Variants in EML1 observed in about 807,000 individuals in gnomAD.
EML1 encodes the protein EMAP like 1.
In EML1, 27 loss-of-function variants were observed where a neutral mutation model predicts 110.4. The observed-to-expected ratio is 0.24, with a 90% CI of 0.18 to 0.34. The LOEUF (loss-of-function observed/expected upper bound fraction) is 0.34, where lower values mean the gene tolerates loss of function less well. EML1 is among the 10% of genes least tolerant of loss of function. The pLI is 1.00. For synonymous variants in EML1, 344 were observed against 385.8 expected, an observed-to-expected ratio of 0.89 and a Z score of 1.27; for missense variants, 741 against 1,030.9, an observed-to-expected ratio of 0.72 and a Z score of 3.85.
intron 15 of EML1, among the ~76,000 whole-genome samples, chr14:99,917,560 A>C (rs890298666): frequency 6.6e-6 from 1 of 152,164 alleles, no homozygotes; most frequent in African/African-American, 2.4e-5. Flanking sequence ...ATCCTGCCTC[A>C]AAAAAGGGTG....
At chr14:99,804,163 T>C (rs183269143) in intron 1 of EML1, among the ~76,000 whole-genome samples, 4 of 152,342 alleles carry the variant, frequency 2.6e-5, no homozygotes, top group Admixed American at 2.6e-4. Flanking sequence ...GGCCTTTTAT[T>C]GAGTTGATAT....
intron 1 of EML1, among the ~76,000 whole-genome samples, chr14:99,838,249 A>T (rs895548653): frequency 1.2e-3 from 176 of 152,240 alleles, no homozygotes; most frequent in Non-Finnish European, 2.1e-4. Flanking sequence ...AATAGAAAAA[A>T]ATTGTACTAA....
At chr14:99,785,530 C>T (rs924834860) in intron 1 of EML1, among the ~76,000 whole-genome samples, 3 of 152,012 alleles carry the variant, frequency 2.0e-5, no homozygotes, top group Non-Finnish European at 2.9e-5. Flanking sequence ...AGATGGGAGT[C>T]GCAGAAAACT....
chr14:99,877,364 G>A (rs1159023968), intron 3 of EML1, among the ~76,000 whole-genome samples: 1 of 152,110 alleles, frequency 6.6e-6, no homozygotes, highest in African/African-American at 2.4e-5. Context: ...AGTCCATAGT[G>A]TGCTCTAAGA....
chr14:99,859,501 G>A (rs1249887702), intron 2 of EML1, among the ~76,000 whole-genome samples: 4 of 152,170 alleles, frequency 2.6e-5, no homozygotes, highest in Non-Finnish European at 5.9e-5. Flanking sequence ...GATACCTTAA[G>A]GAACATTTTT....
At chr14:99,740,378 G>A (rs970786195) in intron 1 of EML1, among the ~76,000 whole-genome samples, 9 of 152,224 alleles carry the variant, frequency 5.9e-5, no homozygotes, top group Non-Finnish European at 1.2e-4. Flanking sequence ...TGGCTATTTT[G>A]TGGGGCTTTT....
chr14:99,873,112 C>T (rs769310545), intron 3 of EML1, among the ~76,000 whole-genome samples: 6 of 152,092 alleles, frequency 3.9e-5, no homozygotes, highest in South Asian at 4.1e-4. Context: ...AGTGGGGATG[C>T]GGAGGCTGAC....
intron 17 of EML1, among the ~76,000 whole-genome samples, chr14:99,934,571 T>C (rs1051183368): frequency 3.9e-5 from 6 of 152,260 alleles, no homozygotes; most frequent in Non-Finnish European, 8.8e-5. Flanking sequence ...CGCAAGGCCC[T>C]GTACAAATAT....
At position 99,939,952 on chromosome 14, in the gene EML1, G is replaced by A; in HGVS notation, c.2323-35G>A. The A allele has an allele frequency of 6.6e-7, 1 of 1,506,918 alleles. No homozygotes were observed. The highest frequency in any genetic ancestry group is 1.3e-5 in the South Asian group (1 of 74,700). 93.3% of individuals were successfully genotyped at this position (1,506,918 alleles called of 1,614,324 possible). The stretch of plus-strand genomic sequence containing the variant: ...CCCATCCCAGATGGTTCGCCTTGTA[G>A]TAAAGGAAGCTTTCCCCCGTATCAT... On this transcript the variant is annotated intron_variant, in intron 21 of 21. Coordinates refer to ENST00000262233, the MANE Select transcript of EML1 (RefSeq NM_004434.3). This position sits in a 1 kb window ranked among gnomAD's most constrained non-coding sequence, Gnocchi z 4.2.
At chr14:99,817,813 T>C (rs1038408417) in intron 1 of EML1, among the ~76,000 whole-genome samples, 8 of 152,120 alleles carry the variant, frequency 5.3e-5, no homozygotes, top group African/African-American at 1.9e-4. Flanking sequence ...AAACAGATGC[T>C]TGCAAAACCT....
intron 2 of EML1, among the ~76,000 whole-genome samples, chr14:99,852,025 T>G (rs2058817525): frequency 6.6e-6 from 1 of 152,240 alleles, no homozygotes; most frequent in Non-Finnish European, 1.5e-5. Flanking sequence ...CATGTCCCTG[T>G]GGCTCTTGGG....
At chr14:99,835,859 G>C (rs1292588213) in intron 1 of EML1, among the ~76,000 whole-genome samples, 1 of 151,992 alleles carries the variant, frequency 6.6e-6, no homozygotes, top group Admixed American at 6.6e-5. Flanking sequence ...TATTTGTGTG[G>C]GTCTATTTCT....
chr14:99,910,517 A>C, intron 12 of EML1, among the ~76,000 whole-genome samples, 176 bp downstream of exon 12: 1 of 152,232 alleles, frequency 6.6e-6, no homozygotes, highest in East Asian at 1.9e-4. Flanking sequence ...AAACTAGAAC[A>C]GAGGAAAAGC....
At chr14:99,830,753 G>A (rs975674925) in intron 1 of EML1, among the ~76,000 whole-genome samples, 6 of 152,174 alleles carry the variant, frequency 3.9e-5, no homozygotes, top group East Asian at 1.9e-4. Context: ...GTTTCACCAC[G>A]TTGGCCAGGC....
At chr14:99,884,798 G>GA (rs2059446513) in intron 4 of EML1, among the ~76,000 whole-genome samples, 1 of 152,218 alleles carries the variant, frequency 6.6e-6, no homozygotes, top group Admixed American at 6.5e-5. Flanking sequence ...CACCTAGGAG[G>GA]AGGAGGGGTT....
intron 1 of EML1, among the ~76,000 whole-genome samples, chr14:99,834,833 G>C (rs142461879): frequency 8.0e-4 from 122 of 151,942 alleles, no homozygotes; most frequent in African/African-American, 2.9e-3. Context: ...TTTTTGTTTT[G>C]TTTTGAGAAA....
At chr14:99,925,079 C>T (rs1055997400) in intron 17 of EML1, among the ~76,000 whole-genome samples, 42 of 152,004 alleles carry the variant, frequency 2.8e-4, no homozygotes, top group Admixed American at 2.4e-3. Flanking sequence ...AGAGTACTAC[C>T]GGCCTTACAG....
intron 1 of EML1, among the ~76,000 whole-genome samples, chr14:99,820,594 A>G (rs1240104192): frequency 1.3e-5 from 2 of 152,248 alleles, no homozygotes; most frequent in African/African-American, 4.8e-5. Flanking sequence ...ATACAGAGTA[A>G]TTACTTTTCC....
upstream of EML1, among the ~76,000 whole-genome samples, chr14:99,770,779 A>ATTTTTTTTTTT (rs34744469): frequency 4.7e-4 from 43 of 91,628 alleles, 6 homozygotes; most frequent in African/African-American, 1.6e-3. Flanking sequence ...GTTTCCGCTG[A>ATTTTTTTTTTT]TTTTTTTTTT....
Sources: allele counts gnomAD v4.1 joint callset (sites outside exome capture counted in the v4.1 genomes callset), GRCh38; gene constraint gnomAD v4.1.1; non-coding constraint Gnocchi (gnomAD v3.1); transcripts MANE v1.5; gene names NCBI Gene and HGNC (gene_info 2026-07-23, HGNC 2026-07-21).